Variants in MARCHF8 observed in about 807,000 individuals in gnomAD.
MARCHF8 encodes the protein membrane associated ring-CH-type finger 8.
A neutral mutation model predicts 51.6 loss-of-function variants in MARCHF8; 40 were observed. The ratio of observed to expected loss-of-function variants is 0.77; its 90% CI spans 0.60 to 1.01. The LOEUF (loss-of-function observed/expected upper bound fraction) is 1.01. Ranked by LOEUF, MARCHF8 falls within the 50% of genes least tolerant of loss-of-function variation. The probability of loss-of-function intolerance (pLI) is 0.00; values close to 1 mark genes in which losing one functional copy is unlikely to be tolerated. For missense variants in MARCHF8, 685 were observed against 708.6 expected (o/e 0.97, Z 0.38); for synonymous variants, 263 against 280.3 (o/e 0.94, Z 0.62).
chr10:45,536,082 A>C (rs2043966684), upstream of MARCHF8, among the ~76,000 whole-genome samples: 1 of 152,234 alleles, frequency 6.6e-6, no homozygotes, highest in African/African-American at 2.4e-5. Context: ...ATAAAATTCA[A>C]GGGACTCAGA....
intron 2 of MARCHF8, among the ~76,000 whole-genome samples, chr10:45,531,713 G>A (rs563681762): frequency 5.9e-5 from 9 of 152,292 alleles, no homozygotes; most frequent in Non-Finnish European, 8.8e-5. Flanking sequence ...GGGCTTCAGC[G>A]AGGGTGTGTT....
intron 2 of MARCHF8, among the ~76,000 whole-genome samples, chr10:45,502,569 T>C (rs1241328795): frequency 2.0e-5 from 3 of 152,198 alleles, no homozygotes; most frequent in Non-Finnish European, 2.9e-5. Context: ...GCATTACTTA[T>C]AGAGGAACAA....
chr10:45,523,073 T>C (rs1292000739), intron 2 of MARCHF8, among the ~76,000 whole-genome samples: 1 of 149,356 alleles, frequency 6.7e-6, no homozygotes, highest in Non-Finnish European at 1.5e-5. Flanking sequence ...AACAAAACAA[T>C]ATGGAAAAAA....
chr10:45,459,155 C>A lies in MARCHF8; in HGVS notation c.1382G>T (p.Arg461Leu). ...CCCCTGCTTGATCTCCTCAGCAGTA[C>A]GGTCAATGAGCACATACAAGGACCA... ...VVWSLYVLIDRTAEEIKQGQA... is the reference protein window; with the variant it reads ...VVWSLYVLIDLTAEEIKQGQA... Residue 461 changes from arginine (R) to leucine (L), a missense_variant, in exon 7 of 8, where the codon CGT becomes CTT. Coordinates refer to ENST00000453424, the MANE Select transcript of MARCHF8 (RefSeq NM_001282866.2). The A allele has an allele frequency of 6.2e-7, 1 of 1,614,014 alleles. No individual in the cohort carries two copies.
intron 2 of MARCHF8, among the ~76,000 whole-genome samples, chr10:45,517,199 T>C (rs1040957217): frequency 6.6e-6 from 1 of 152,226 alleles, no homozygotes; most frequent in East Asian, 1.9e-4. Context: ...AAACTTTTCT[T>C]ATGGACTATA....
At chr10:45,535,870 T>G (rs547674700), upstream of MARCHF8, among the ~76,000 whole-genome samples, 9 of 152,294 alleles carry the variant, frequency 5.9e-5, no homozygotes, top group African/African-American at 1.9e-4. Context: ...CCACCTAACA[T>G]GAACATTCAC....
chr10:45,462,779 C>T (rs1246940778), intron 5 of MARCHF8, among the ~76,000 whole-genome samples: 3 of 152,068 alleles, frequency 2.0e-5, no homozygotes, highest in Middle Eastern at 3.2e-3. Context: ...GCGCCCGCCA[C>T]CACGCCCGGC....
chr10:45,528,396 G>A (rs2043824676), intron 2 of MARCHF8, among the ~76,000 whole-genome samples: 1 of 152,184 alleles, frequency 6.6e-6, no homozygotes, highest in Non-Finnish European at 1.5e-5. Flanking sequence ...AATTAATTCA[G>A]TAGAGTTTCA....
chr10:45,586,985 T>C lies in MARCHF8; in HGVS notation c.-79+7250A>G, dbSNP rs542929874. Among the ~76,000 whole-genome samples, 4 of 151,092 alleles carry C rather than the reference T, an allele frequency of 2.6e-5. No individual in the cohort carries two copies. In the South Asian group the frequency reaches 6.2e-4, roughly 24 times the overall value. On this transcript the variant is annotated intron_variant, in intron 1 of 6. Transcript: ENST00000319836. ...GTCCAATTTAACATTTTTAAAATGTTGTAGTTAGTGCTTTTTGTACCACAT... is the reference window on the plus strand; with the variant it reads ...GTCCAATTTAACATTTTTAAAATGTCGTAGTTAGTGCTTTTTGTACCACAT...
chr10:45,580,121 A>C (rs1377909791), intron 1 of MARCHF8, among the ~76,000 whole-genome samples: 1 of 152,096 alleles, frequency 6.6e-6, no homozygotes, highest in Non-Finnish European at 1.5e-5. Context: ...TCAAATGATA[A>C]CTATAATAGC....
In MARCHF8 at chr10:45,463,940, AC is replaced by A; in HGVS notation, c.298del (p.Val100SerfsTer11). The A allele has an allele frequency of 2.0e-6, 3 of 1,536,224 alleles. No homozygotes were observed. Among genetic ancestry groups the A allele is most frequent in the Non-Finnish European group, 1.7e-6 (2 of 1,146,918 alleles). ...CHHSSVQSAV[V>X]SKAPHCQSSL... ...ACTCTGGCAGTGAGGAGCTTTCGAG[AC>A]AACAGCAGACTGCACGGAACTGTGG... On this transcript the variant is annotated frameshift_variant, in exon 5 of 8. Transcript: ENST00000453424. LOFTEE classifies it high-confidence loss of function.
At chr10:45,567,589 G>A (rs187632297) in intron 1 of MARCHF8, among the ~76,000 whole-genome samples, 66 of 152,222 alleles carry the variant, frequency 4.3e-4, no homozygotes, top group Admixed American at 1.1e-3. Context: ...CTCACTGTAC[G>A]TGTGTGGATT....
intron 2 of MARCHF8, among the ~76,000 whole-genome samples, chr10:45,511,091 T>C (rs1361270010): frequency 2.0e-5 from 3 of 152,264 alleles, no homozygotes; most frequent in Non-Finnish European, 1.5e-5. Context: ...CATAATATTT[T>C]AGTAATGTAC....
chr10:45,463,854 T>C lies in MARCHF8; in HGVS notation c.385A>G (p.Arg129Gly). ...ICKDTLQASK[R>G]NSFGSEWAQA... ...GCCCATTCTGAACCAAAGGAATTTC[T>C]CTTTGACGCCTGTAATGTGTCCTTA... Residue 129 changes from arginine to glycine, a missense_variant, in exon 5 of 8, where the codon AGA becomes GGA. Arg to Gly is a moderately radical substitution (Grantham distance 125). Transcript: ENST00000453424. 6.5e-7 allele frequency: 1 copy of C among 1,541,268 alleles called. No homozygotes were observed. The highest frequency in any genetic ancestry group is 8.7e-7 in the Non-Finnish European group (1 of 1,146,994).
chr10:45,493,040 T>G (rs1329118411), intron 2 of MARCHF8, among the ~76,000 whole-genome samples: 2 of 152,224 alleles, frequency 1.3e-5, no homozygotes, highest in Admixed American at 6.5e-5. Context: ...ACGCTCAACG[T>G]GTATTACCAC....
intron 2 of MARCHF8, among the ~76,000 whole-genome samples, chr10:45,526,822 T>C (rs1020503263): frequency 5.3e-5 from 8 of 152,132 alleles, no homozygotes; most frequent in African/African-American, 1.9e-4. Context: ...AGAATATACA[T>C]TCTTCTTATT....
chr10:45,522,697 C>T (rs1344527136), intron 2 of MARCHF8, among the ~76,000 whole-genome samples: 1 of 152,224 alleles, frequency 6.6e-6, no homozygotes, highest in African/African-American at 2.4e-5. Flanking sequence ...GTGAATCCAA[C>T]AGCAGTGCCC....
At chr10:45,574,898 C>G (rs976929862) in intron 1 of MARCHF8, among the ~76,000 whole-genome samples, 3 of 151,724 alleles carry the variant, frequency 2.0e-5, no homozygotes, top group African/African-American at 7.3e-5. Context: ...TCCAAAAGGA[C>G]TACACATCAA....
chr10:45,503,831 C>T (rs1187287924), intron 2 of MARCHF8, among the ~76,000 whole-genome samples: 2 of 106,674 alleles, frequency 1.9e-5, no homozygotes, highest in Non-Finnish European at 4.1e-5. Context: ...CAATATGAAC[C>T]CTGAAAACAT....
Sources: allele counts gnomAD v4.1 joint callset (sites outside exome capture counted in the v4.1 genomes callset), GRCh38; gene constraint gnomAD v4.1.1; transcripts MANE v1.5; gene names NCBI Gene and HGNC (gene_info 2026-07-23, HGNC 2026-07-21).